Variants in PRKG1 observed in about 807,000 individuals in gnomAD.
PRKG1 encodes the protein cGMP-dependent protein kinase 1.
A neutral mutation model predicts 88.1 loss-of-function variants in PRKG1; 35 were observed. That is an observed-to-expected ratio of 0.40 (90% CI 0.30 to 0.53). PRKG1 has a LOEUF of 0.53. Among genes scored for constraint, PRKG1 ranks in the 20% least tolerant of loss-of-function variants. The probability of loss-of-function intolerance (pLI) is 0.59; values close to 1 mark genes in which losing one functional copy is unlikely to be tolerated. For missense variants in PRKG1, 540 were observed against 839.8 expected, an observed-to-expected ratio of 0.64 and a Z score of 4.41; for synonymous variants, 303 against 292.5, an observed-to-expected ratio of 1.04 and a Z score of -0.37.
chr10:52,251,570 A>G lies in PRKG1; in HGVS notation c.1077A>G (p.Lys359=). The change falls in exon 10 of 18, where the codon AAA becomes AAG. Residue 359 remains lysine (K), a splice_region_variant and synonymous_variant. Coordinates refer to ENST00000373980, the MANE Select transcript of PRKG1 (RefSeq NM_006258.4). The stretch of plus-strand genomic sequence containing the variant: ...CATTTTTTCACATCAAAAAATCCAG[A>G]TATGAAGCTGAAGCGGCTTTCTTCG... ...KAYEDAEAKA[K]YEAEAAFFAN... is the part of the protein sequence containing the mutation. The G allele has an allele frequency of 6.2e-7, 1 of 1,613,200 alleles. No homozygotes were observed. The highest frequency in any genetic ancestry group is 8.5e-7 in the Non-Finnish European group (1 of 1,179,320).
chr10:51,298,449 T>C (rs1254377207), intron 2 of PRKG1, among the ~76,000 whole-genome samples: 1 of 152,228 alleles, frequency 6.6e-6, no homozygotes, highest in Non-Finnish European at 1.5e-5. Context: ...TACTCCAGGT[T>C]CTTCCTTTTT....
intron 3 of PRKG1, among the ~76,000 whole-genome samples, chr10:51,784,857 C>T (rs1280224662): frequency 2.6e-5 from 4 of 151,894 alleles, no homozygotes; most frequent in Non-Finnish European, 5.9e-5. Flanking sequence ...TTTGTTTTTG[C>T]CTCTCATCTT....
intron 7 of PRKG1, among the ~76,000 whole-genome samples, chr10:52,072,309 T>C (rs1290642765): frequency 6.6e-6 from 1 of 152,014 alleles, no homozygotes; most frequent in African/African-American, 2.4e-5. Context: ...TTTATTTCTG[T>C]TGTTCTGGAT....
chr10:51,317,243 A>T (rs1312243927), intron 2 of PRKG1, among the ~76,000 whole-genome samples: 1 of 152,094 alleles, frequency 6.6e-6, no homozygotes, highest in East Asian at 1.9e-4. Flanking sequence ...TTACGTGTTT[A>T]GTTTTTATGA....
chr10:51,933,714 T>C (rs1480600659), intron 5 of PRKG1, among the ~76,000 whole-genome samples: 2 of 152,096 alleles, frequency 1.3e-5, no homozygotes, highest in African/African-American at 2.4e-5. Context: ...TCTGATGTCA[T>C]AAGGTTATTG....
Position 51,549,120 on chromosome 10 carries a change from CTTTTTTTTTTTTTTT to C in PRKG1, c.592+81291_592+81305del, listed in dbSNP as rs56045527. On this transcript the variant is annotated intron_variant, in intron 3 of 17. Transcript: ENST00000373980. Reference sequence around the variant, plus strand: ...TTCTTTCCTTTCTTTCTTTTCTTTTCTTTTTTTTTTTTTTTTTTTTTGAGACAGAGTCTTGCTCTG... The same window carrying C: ...TTCTTTCCTTTCTTTCTTTTCTTTTCTTTTTTGAGACAGAGTCTTGCTCTG... Among the ~76,000 whole-genome samples the C allele has an allele frequency of 3.6e-4, 25 of 70,326 alleles. 1 individual carries two copies. The Admixed American group carries it at 4.3e-3, about 12-fold the overall frequency. The allele number at this position is 70,326 out of a possible 152,430, so 46.1% of individuals were successfully genotyped here.
At chr10:51,868,700 A>G (rs187002644) in intron 4 of PRKG1, among the ~76,000 whole-genome samples, 19 of 152,236 alleles carry the variant, frequency 1.2e-4, no homozygotes, top group African/African-American at 4.3e-4. Context: ...AAGAAAAGCT[A>G]TCTATTTCCC....
chr10:51,766,491 C>A (rs1937648), intron 3 of PRKG1, among the ~76,000 whole-genome samples: 61,445 of 151,854 alleles, frequency 0.4, 13,094 homozygotes, highest in Middle Eastern at 0.53. Context: ...CCCAACCATG[C>A]CCCACACCAT....
chr10:51,312,124 G>A (rs3862581), intron 2 of PRKG1, among the ~76,000 whole-genome samples: 39,906 of 151,876 alleles, frequency 0.26, 6,057 homozygotes, highest in East Asian at 0.35. Context: ...TGCCCGCCTC[G>A]GCCTCCAAAA....
chr10:51,827,503 C>T (rs1839906699), intron 4 of PRKG1, among the ~76,000 whole-genome samples: 2 of 151,978 alleles, frequency 1.3e-5, no homozygotes, highest in South Asian at 4.1e-4. Flanking sequence ...TTTTGATACT[C>T]TTAATTTCTA....
intron 1 of PRKG1, among the ~76,000 whole-genome samples, chr10:51,003,156 G>T (rs1488211109): frequency 6.6e-6 from 1 of 150,552 alleles, no homozygotes; most frequent in Non-Finnish European, 1.5e-5. Context: ...TCTCGTGTCT[G>T]CAGGGCCAAA....
At chr10:51,701,537 A>G (rs1841466606) in intron 3 of PRKG1, among the ~76,000 whole-genome samples, 1 of 152,192 alleles carries the variant, frequency 6.6e-6, no homozygotes, top group African/African-American at 2.4e-5. Flanking sequence ...CCTGCTAGCA[A>G]TGTTTCCCCA....
chr10:52,018,037 G>A (rs988329515), intron 5 of PRKG1, among the ~76,000 whole-genome samples: 18 of 150,776 alleles, frequency 1.2e-4, no homozygotes, highest in Non-Finnish European at 2.1e-4. Context: ...GCCTAATTAC[G>A]CAGTATTTTT....
intron 1 of PRKG1, among the ~76,000 whole-genome samples, chr10:51,100,585 C>T (rs1844655611): frequency 1.3e-5 from 2 of 152,052 alleles, no homozygotes; most frequent in Admixed American, 6.6e-5. Context: ...TAAGCATAGC[C>T]CATAGCCCTT....
intron 7 of PRKG1, among the ~76,000 whole-genome samples, chr10:52,074,315 G>A (rs1846578185): frequency 6.6e-6 from 1 of 152,224 alleles, no homozygotes; most frequent in Admixed American, 6.5e-5. Flanking sequence ...ATAGAAAAGG[G>A]ATCAGCTTTT....
intron 9 of PRKG1, among the ~76,000 whole-genome samples, chr10:52,220,413 T>TTA (rs150890362): frequency 0.12 from 17,802 of 150,918 alleles, 1,205 homozygotes; most frequent in African/African-American, 0.19. Flanking sequence ...ATGACATCTT[T>TTA]TATATATATA....
At chr10:51,260,497 T>C (rs1839677916) in intron 2 of PRKG1, among the ~76,000 whole-genome samples, 1 of 152,076 alleles carries the variant, frequency 6.6e-6, no homozygotes, top group Admixed American at 6.6e-5. Context: ...TTAAAAAGAG[T>C]CTGGATATAT....
chr10:51,926,211 T>C (rs931831474), intron 5 of PRKG1, among the ~76,000 whole-genome samples: 1 of 152,084 alleles, frequency 6.6e-6, no homozygotes. Context: ...TGAGATGACA[T>C]TGGCATGAAG....
intron 1 of PRKG1, among the ~76,000 whole-genome samples, chr10:51,039,646 G>A (rs1843395089): frequency 6.6e-6 from 1 of 151,956 alleles, no homozygotes; most frequent in African/African-American, 2.4e-5. Context: ...TGTGCTTTGG[G>A]GGTACTACTC....
Sources: allele counts gnomAD v4.1 joint callset (sites outside exome capture counted in the v4.1 genomes callset), GRCh38; gene constraint gnomAD v4.1.1; transcripts MANE v1.5; gene names NCBI Gene and HGNC (gene_info 2026-07-23, HGNC 2026-07-21).